The following LRRC7 variants were observed in gnomAD, a reference collection of about 807,000 sequenced individuals.
LRRC7 encodes the protein leucine-rich repeat-containing protein 7.
A neutral mutation model predicts 175.7 loss-of-function variants in LRRC7; 23 were observed. The observed-to-expected ratio is 0.13, with a 90% CI of 0.09 to 0.19. The LOEUF (loss-of-function observed/expected upper bound fraction) is 0.19, where lower values mean the gene tolerates loss of function less well. Ranked by LOEUF, LRRC7 falls within the 10% of genes least tolerant of loss-of-function variation. The pLI is 1.00. For synonymous variants in LRRC7, 685 were observed against 680.9 expected (o/e 1.01, Z -0.09); for missense variants, 1,354 against 1,904.7 (o/e 0.71, Z 5.38).
intron 10 of LRRC7, among the ~76,000 whole-genome samples, chr1:69,986,769 A>G (rs1218275597): frequency 6.6e-6 from 1 of 152,196 alleles, no homozygotes; most frequent in Non-Finnish European, 1.5e-5. Context: ...GCTATATTCT[A>G]TTTGTAATAT....
intron 7 of LRRC7, among the ~76,000 whole-genome samples, chr1:69,925,616 A>C (rs1317150644): frequency 6.6e-6 from 1 of 152,088 alleles, no homozygotes; most frequent in African/African-American, 2.4e-5. Context: ...CTCTGATGGT[A>C]GTTTGTATTT....
At chr1:69,723,026 T>A (rs1455640977) in intron 2 of LRRC7, among the ~76,000 whole-genome samples, 1 of 152,130 alleles carries the variant, frequency 6.6e-6, no homozygotes, top group Non-Finnish European at 1.5e-5. Flanking sequence ...TTTAAAGGTA[T>A]ATGAGGTAAA....
At chr1:69,975,367 T>C (rs1034742106) in intron 8 of LRRC7, among the ~76,000 whole-genome samples, 2 of 152,186 alleles carry the variant, frequency 1.3e-5, no homozygotes, top group Non-Finnish European at 2.9e-5. Flanking sequence ...ATTTTGCCAT[T>C]ATCCAAAACA....
chr1:69,946,175 T>A (rs1050352607), intron 8 of LRRC7, among the ~76,000 whole-genome samples: 1 of 152,182 alleles, frequency 6.6e-6, no homozygotes, highest in Non-Finnish European at 1.5e-5. Context: ...TAAGAGTTTT[T>A]ATCATGAAAA....
At chr1:70,037,917 AG>A (rs1189219453) in intron 20 of LRRC7, among the ~76,000 whole-genome samples, 195 bp from the exon 21 acceptor site, 1 of 151,806 alleles carries the variant, frequency 6.6e-6, no homozygotes, top group Non-Finnish European at 1.5e-5. Context: ...GATTATTACT[AG>A]GAAAAAAAAG....
In LRRC7 at chr1:70,130,326, G is replaced by C. The variant is rs1401858995; in HGVS notation, c.*8439G>C. 2.0e-5 allele frequency: 3 copies of C among 152,144 alleles called. No homozygotes were observed. Among genetic ancestry groups the C allele is most frequent in the Non-Finnish European group, 2.9e-5 (2 of 68,034 alleles). The allele number at this position is 152,144 out of a possible 1,614,324, so 9.4% of individuals were successfully genotyped here. On this transcript the variant is annotated 3_prime_UTR_variant, in exon 27 of 27. Transcript: ENST00000651989. ...GTCATAGTGTCAGAAACATAGTATA[G>C]GTTCTCAATAAATATTTGTGTAATT...
At chr1:70,043,359 G>A (rs1426634822) in intron 21 of LRRC7, among the ~76,000 whole-genome samples, 1 of 152,198 alleles carries the variant, frequency 6.6e-6, no homozygotes, top group East Asian at 1.9e-4. Flanking sequence ...GATTGGTTTA[G>A]CTGAATTAAT....
chr1:69,729,195 G>A (rs530517611), intron 2 of LRRC7, among the ~76,000 whole-genome samples: 1 of 152,178 alleles, frequency 6.6e-6, no homozygotes, highest in Admixed American at 6.5e-5. Context: ...TATGAGATTT[G>A]GGTGGGGACA....
intron 3 of LRRC7, among the ~76,000 whole-genome samples, chr1:69,781,940 G>GAAAGAAAA: frequency 9.4e-6 from 1 of 106,602 alleles, no homozygotes; most frequent in African/African-American, 3.7e-5. Context: ...AAGAAAGAAA[G>GAAAGAAAA]AGAAAAGAAA....
At position 70,140,268 on chromosome 1, in the gene LRRC7, G is replaced by C. The variant is rs1667013413; in HGVS notation, c.*18381G>C. ...GGCTGCAAGCTTAACCTCATCAGGA[G>C]TGGAATTAGATTTTACAAAGTTCCC... is the stretch of plus-strand genomic sequence containing the variant. On this transcript the variant is annotated 3_prime_UTR_variant, in exon 27 of 27. Coordinates refer to ENST00000651989, the MANE Select transcript of LRRC7 (RefSeq NM_001370785.2). 1 of 152,112 alleles carries C rather than the reference G, an allele frequency of 6.6e-6. No individual in the cohort carries two copies. Among genetic ancestry groups the C allele is most frequent in the African/African-American group, 2.4e-5 (1 of 41,434 alleles). The allele number at this position is 152,112 out of a possible 1,614,324, so 9.4% of individuals were successfully genotyped here. A position where few individuals can be genotyped will look rare whatever the true frequency, so the allele number is the denominator to read the frequency against.
intron 7 of LRRC7, among the ~76,000 whole-genome samples, chr1:69,839,218 A>G (rs555485652): frequency 2.0e-5 from 3 of 152,118 alleles, no homozygotes; most frequent in Non-Finnish European, 4.4e-5. Flanking sequence ...AGTGCATTTT[A>G]TGTATGATAT....
rs185024318 is a variant in LRRC7, at chr1:69,635,231, T to C, written c.3-43150T>C. ...CTAAGGATAATGTCCTCCAGCTCCA[T>C]CCATGTCCCTGCAAAGAACATGATC... On this transcript the variant is annotated intron_variant, in intron 1 of 26. Coordinates refer to ENST00000651989, the MANE Select transcript of LRRC7 (RefSeq NM_001370785.2). Among the ~76,000 whole-genome samples the C allele has an allele frequency of 1.5e-4, 23 of 152,234 alleles. No individual in the cohort carries two copies. The East Asian group carries it at 3.3e-3, about 22-fold the overall frequency.
chr1:69,930,247 A>G (rs1304924318), intron 7 of LRRC7, among the ~76,000 whole-genome samples: 1 of 152,142 alleles, frequency 6.6e-6, no homozygotes, highest in Non-Finnish European at 1.5e-5. Context: ...ATCAGCACAT[A>G]ATACTCTCTC....
At chr1:69,715,342 T>C (rs1665222901) in intron 2 of LRRC7, among the ~76,000 whole-genome samples, 1 of 152,160 alleles carries the variant, frequency 6.6e-6, no homozygotes, top group Non-Finnish European at 1.5e-5. Flanking sequence ...TTTACAGATA[T>C]AGATATAAAG....
intron 1 of LRRC7, among the ~76,000 whole-genome samples, chr1:69,593,421 A>G (rs1459714723): frequency 1.3e-5 from 2 of 152,116 alleles, no homozygotes; most frequent in Non-Finnish European, 2.9e-5. Flanking sequence ...GGTTGAAGGG[A>G]TATTTCAAAT....
intron 8 of LRRC7, among the ~76,000 whole-genome samples, chr1:69,940,223 G>A (rs998114093): frequency 5.3e-5 from 8 of 152,050 alleles, no homozygotes; most frequent in African/African-American, 1.9e-4. Flanking sequence ...CTTGACCTAT[G>A]GCTTTAATAA....
chr1:69,755,382 A>C (rs1389095930), intron 2 of LRRC7, among the ~76,000 whole-genome samples: 1 of 149,308 alleles, frequency 6.7e-6, no homozygotes, highest in East Asian at 2.0e-4. Flanking sequence ...TGCAAAATAT[A>C]TATATTTATA....
At position 69,637,546 on chromosome 1, in the gene LRRC7, C is replaced by T. The variant is rs140488379; in HGVS notation, c.3-40835C>T. On this transcript the variant is annotated intron_variant, in intron 1 of 26. Transcript: ENST00000651989. The stretch of plus-strand genomic sequence containing the variant: ...TTTAATCTTACCAGTTCTATTTCTA[C>T]CTAAAATTTTGGAAAATTGACTGGA... Among the ~76,000 whole-genome samples the T allele has an allele frequency of 4.1e-3, 625 of 151,864 alleles. 7 individuals are homozygous for T. Among genetic ancestry groups the T allele is most frequent in the African/African-American group, 0.014 (584 of 41,462 alleles).
intron 8 of LRRC7, among the ~76,000 whole-genome samples, chr1:69,940,964 G>A (rs1648647129): frequency 6.6e-6 from 1 of 152,072 alleles, no homozygotes; most frequent in South Asian, 2.1e-4. Flanking sequence ...ATGGGGTGGG[G>A]AGATGTCATT....
Sources: allele counts gnomAD v4.1 joint callset (sites outside exome capture counted in the v4.1 genomes callset), GRCh38; gene constraint gnomAD v4.1.1; transcripts MANE v1.5; gene names NCBI Gene and HGNC (gene_info 2026-07-23, HGNC 2026-07-21).